The following FOXP1 variants were observed in gnomAD, a reference collection of about 807,000 sequenced individuals.
FOXP1 encodes the protein forkhead box protein P1.
In FOXP1, 15 loss-of-function variants were observed where a neutral mutation model predicts 98.2. The ratio of observed to expected loss-of-function variants is 0.15; its 90% confidence interval spans 0.10 to 0.24. The LOEUF (loss-of-function observed/expected upper bound fraction) is 0.24. Among genes scored for constraint, FOXP1 ranks in the 10% least tolerant of loss-of-function variants. FOXP1 has a pLI of 1.00. For missense variants in FOXP1, 633 were observed against 848.5 expected (o/e 0.75, Z 3.15); for synonymous variants, 371 against 314.5 (o/e 1.18, Z -1.90).
chr3:71,339,521 A>C (rs1281632216), intron 4 of FOXP1, among the ~76,000 whole-genome samples: 1 of 152,160 alleles, frequency 6.6e-6, no homozygotes, highest in Admixed American at 6.5e-5. Flanking sequence ...CTCTTTCTTA[A>C]ATACCATTCT....
intron 7 of FOXP1, among the ~76,000 whole-genome samples, chr3:71,082,151 C>T (rs1264406380): frequency 6.2e-4 from 94 of 152,094 alleles, no homozygotes; most frequent in Non-Finnish European, 1.3e-4. Context: ...TGGTGGCGCA[C>T]GCCTGTAATC....
chr3:71,066,407 G>T (rs1386631563), intron 7 of FOXP1, among the ~76,000 whole-genome samples: 2 of 152,078 alleles, frequency 1.3e-5, no homozygotes, highest in Non-Finnish European at 2.9e-5. Flanking sequence ...TTTATTAATG[G>T]GATTTTTTCA....
chr3:71,339,838 C>A (rs1314786824), intron 4 of FOXP1, among the ~76,000 whole-genome samples: 1 of 152,128 alleles, frequency 6.6e-6, no homozygotes, highest in Non-Finnish European at 1.5e-5. Context: ...TGGCTTCTTC[C>A]ACTAGCAATC....
chr3:71,203,939 A>AGGAAGGAAGGAG (rs1373594691), intron 5 of FOXP1, among the ~76,000 whole-genome samples: 9 of 4,226 alleles, frequency 2.1e-3, no homozygotes, highest in African/African-American at 5.5e-3. Flanking sequence ...AAAAGGAAGG[A>AGGAAGGAAGGAG]GGAAGGAAGG....
chr3:71,008,175 T>A (rs1372181853), intron 12 of FOXP1, among the ~76,000 whole-genome samples: 1 of 152,164 alleles, frequency 6.6e-6, no homozygotes, highest in Non-Finnish European at 1.5e-5. Flanking sequence ...TGTGAAACTA[T>A]GGGCCTGCAT....
At chr3:71,256,453 G>C (rs2068630513) in intron 5 of FOXP1, among the ~76,000 whole-genome samples, 2 of 152,070 alleles carry the variant, frequency 1.3e-5, no homozygotes, top group Non-Finnish European at 1.5e-5. Flanking sequence ...GTGCCATCTT[G>C]GCTTACTGCA....
At position 71,267,306 on chromosome 3, in the gene FOXP1, A is replaced by T. The variant is rs114658211; in HGVS notation, c.-12+32514T>A. ...CACTTTTGAGTGGTCCTTTTTTCTT[A>T]CAAAGAGGTTCAATATTAGAAAAAT... On this transcript the variant is annotated intron_variant, in intron 5 of 20. Transcript: ENST00000649528. Among the ~76,000 whole-genome samples, 1,435 of 152,258 alleles carry T rather than the reference A, an allele frequency of 9.4e-3. 5 individuals carry two copies. Among genetic ancestry groups the T allele is most frequent in the Non-Finnish European group, 0.015 (1,033 of 68,012 alleles).
rs1553808466 is a variant in FOXP1, at chr3:71,267,124, AGTGT to A, written c.-12+32692_-12+32695del. Among the ~76,000 whole-genome samples, 104 of 148,394 alleles carry A rather than the reference AGTGT, an allele frequency of 7.0e-4. 1 individual carries two copies. The highest frequency in any genetic ancestry group is 3.4e-3 in the East Asian group (17 of 5,062). ...TATCACGCTGCATTTTATGGGAGAG[AGTGT>A]GTGTGTGTGTGTGTGTGTGTGTGTG... On this transcript the variant is annotated intron_variant, in intron 5 of 20. Transcript: ENST00000649528.
intron 5 of FOXP1, among the ~76,000 whole-genome samples, chr3:71,228,981 T>C (rs78143138): frequency 0.012 from 1,761 of 145,636 alleles, 19 homozygotes; most frequent in African/African-American, 0.029. Context: ...TTTTTTTTTT[T>C]GATGTCTCAT....
intron 5 of FOXP1, among the ~76,000 whole-genome samples, chr3:71,263,404 C>G (rs1245679338): frequency 6.6e-6 from 1 of 152,170 alleles, no homozygotes; most frequent in African/African-American, 2.4e-5. Context: ...TCTGTTGTTG[C>G]TTATCTTGAA....
chr3:71,103,972 A>G (rs1336283824), intron 7 of FOXP1, among the ~76,000 whole-genome samples: 5 of 152,026 alleles, frequency 3.3e-5, no homozygotes, highest in Non-Finnish European at 7.4e-5. Flanking sequence ...AAAAAGAGAG[A>G]GGCTTTAATT....
chr3:71,364,102 G>C (rs1169118404), intron 3 of FOXP1, among the ~76,000 whole-genome samples: 2 of 152,148 alleles, frequency 1.3e-5, no homozygotes, highest in East Asian at 1.9e-4. Flanking sequence ...CTACAGGCGC[G>C]TGCCATCACA....
At chr3:71,328,453 C>T (rs980765487) in intron 4 of FOXP1, among the ~76,000 whole-genome samples, 1 of 152,150 alleles carries the variant, frequency 6.6e-6, no homozygotes, top group African/African-American at 2.4e-5. Context: ...CCTTACCACA[C>T]CTTTCATATG....
chr3:71,269,342 G>GA (rs1248319511), intron 5 of FOXP1, among the ~76,000 whole-genome samples: 11 of 149,890 alleles, frequency 7.3e-5, no homozygotes, highest in South Asian at 2.1e-4. Context: ...TAGCTAGGCA[G>GA]AAAAAAAAAG....
At chr3:71,125,646 T>C (rs777678807) in intron 6 of FOXP1, among the ~76,000 whole-genome samples, 11 of 152,184 alleles carry the variant, frequency 7.2e-5, no homozygotes, top group Non-Finnish European at 1.3e-4. Flanking sequence ...AAAGTGACAA[T>C]GATCTTTTGA....
chr3:71,046,766 A>G (rs1376813543), intron 10 of FOXP1, among the ~76,000 whole-genome samples, 176 bp downstream of exon 10: 1 of 152,220 alleles, frequency 6.6e-6, no homozygotes, highest in African/African-American at 2.4e-5. Flanking sequence ...TCATTTTGGC[A>G]TCAACAAGCA....
chr3:71,198,300 C>G lies in FOXP1; in HGVS notation c.82G>C (p.Glu28Gln), dbSNP rs2063428325. The G allele has an allele frequency of 6.2e-7, 1 of 1,614,016 alleles. No homozygotes were observed. The highest frequency in any genetic ancestry group is 8.5e-7 in the Non-Finnish European group (1 of 1,180,052). ...NGSGGSNHLL[E>Q]CGGLREGRSN... ...CGCCCCTCCCGAAGACCGCCGCACT[C>G]TAGTAAGTGGTTGCTGCCGCCCGAC... The change falls in exon 6 of 21, where the codon GAG becomes CAG. Residue 28 changes from glutamate (E) to glutamine (Q), a missense_variant. By Grantham distance (29) the Glu-to-Gln change is conservative. Coordinates refer to ENST00000649528, the MANE Select transcript of FOXP1 (RefSeq NM_001349338.3).
At chr3:71,564,856 T>C (rs2046793332) in intron 2 of FOXP1, among the ~76,000 whole-genome samples, 1 of 152,228 alleles carries the variant, frequency 6.6e-6, no homozygotes, top group Non-Finnish European at 1.5e-5. Flanking sequence ...GGCTCAGGCC[T>C]GTAATCTCAG....
intron 6 of FOXP1, among the ~76,000 whole-genome samples, chr3:71,186,361 G>T (rs536853874): frequency 3.3e-5 from 5 of 152,338 alleles, no homozygotes; most frequent in African/African-American, 9.6e-5. Flanking sequence ...CTAGAGGAAT[G>T]ATGACAATTA....
Sources: gnomAD v4.1 joint callset for allele counts (sites outside exome capture counted in the v4.1 genomes callset) on GRCh38, gnomAD v4.1.1 for gene constraint, MANE v1.5 for transcripts, NCBI Gene and HGNC (gene_info 2026-07-23, HGNC 2026-07-21) for gene names.